STON2: variants seen among roughly 807,000 people sequenced by gnomAD.
STON2 encodes stonin-2.
In STON2, 29 loss-of-function variants were observed where a neutral mutation model predicts 65.7. The observed-to-expected ratio is 0.44, with a 90% CI of 0.33 to 0.60. STON2 has a LOEUF of 0.60. STON2 is among the 20% of genes least tolerant of loss of function. The pLI, the probability that STON2 is intolerant of heterozygous loss-of-function variation, is 0.03. For missense variants in STON2, 1,054 were observed against 1,118.1 expected, an observed-to-expected ratio of 0.94 and a Z score of 0.82; for synonymous variants, 404 against 414.2, an observed-to-expected ratio of 0.98 and a Z score of 0.30.
At chr14:81,327,318 T>C (rs1207746658) in intron 4 of STON2, among the ~76,000 whole-genome samples, 4 of 152,200 alleles carry the variant, frequency 2.6e-5, no homozygotes, top group Admixed American at 2.6e-4. Flanking sequence ...TCTTTTTCCA[T>C]CTTTATTTTT....
chr14:81,310,065 G>A (rs754313683), intron 5 of STON2, among the ~76,000 whole-genome samples: 2 of 152,120 alleles, frequency 1.3e-5, no homozygotes, highest in Non-Finnish European at 2.9e-5. Flanking sequence ...GAGGGGGCTG[G>A]ATTAGATGAT....
Position 81,371,082 on chromosome 14 carries a change from G to A in STON2, c.477C>T (p.Thr159=), listed in dbSNP as rs199692293. The change falls in exon 4 of 8, where the codon ACC becomes ACT. Residue 159 remains threonine (T), a synonymous_variant. Transcript: ENST00000614646. ...ESSWTTHSED[T]SSPSFGCSYT... is the part of the protein sequence containing the mutation. ...ACGAACATCCAAAGCTAGGACTGCT[G>A]GTGTCTTCAGAATGGGTGGTCCAGC... 1.9e-6 allele frequency: 3 copies of A among 1,614,028 alleles called. No homozygotes were observed. The highest frequency in any genetic ancestry group is 1.3e-5 in the African/African-American group (1 of 75,044).
chr14:81,330,607 T>C (rs1403792091), intron 4 of STON2, among the ~76,000 whole-genome samples: 2 of 152,236 alleles, frequency 1.3e-5, no homozygotes, highest in African/African-American at 4.8e-5. Context: ...CAGCTGAATC[T>C]TGCCAAAGCT....
chr14:81,294,060 GCTT>G (rs1162122239), intron 5 of STON2, among the ~76,000 whole-genome samples: 3 of 152,086 alleles, frequency 2.0e-5, no homozygotes, highest in African/African-American at 7.2e-5. Context: ...AGTAAAATTG[GCTT>G]CTGTTACTTG....
chr14:81,283,837 A>C (rs2140138081), intron 5 of STON2, among the ~76,000 whole-genome samples: 1 of 152,262 alleles, frequency 6.6e-6, no homozygotes, highest in Non-Finnish European at 1.5e-5. Context: ...CAGATACTGC[A>C]TTTTTTATGA....
intron 4 of STON2, among the ~76,000 whole-genome samples, chr14:81,347,115 C>T (rs1897838518): frequency 6.6e-6 from 1 of 151,370 alleles, no homozygotes; most frequent in East Asian, 1.9e-4. Flanking sequence ...AAAAAAACCC[C>T]GAAGAATCAA....
upstream of STON2, among the ~76,000 whole-genome samples, chr14:81,404,637 G>C (rs1417913974): frequency 6.6e-6 from 1 of 152,064 alleles, no homozygotes; most frequent in African/African-American, 2.4e-5. Context: ...CTGAGTAGCT[G>C]GGTCTATAAG....
chr14:81,263,853 C>G lies in STON2; in HGVS notation c.*4561G>C. ...AGGCTTTTAAGAAAAAACTTCAGCT[C>G]ATTCTGTTTTCCCACCACTAAACTT... On this transcript the variant is annotated 3_prime_UTR_variant, in exon 8 of 8. Transcript: ENST00000614646. 1 of 985,444 alleles carries G rather than the reference C, an allele frequency of 1.0e-6. No individual in the cohort carries two copies. Among genetic ancestry groups the G allele is most frequent in the African/African-American group, 1.7e-5 (1 of 57,370 alleles). 61.0% of individuals were successfully genotyped at this position (985,444 alleles called of 1,614,324 possible). A position where few individuals can be genotyped will look rare whatever the true frequency, so the allele number is the denominator to read the frequency against.
chr14:81,396,098 C>T lies in STON2; in HGVS notation c.169G>A (p.Asp57Asn), dbSNP rs1368652330. ...TGGGAATGGTCTTGAGAGCCTCCATCCACCACATGGTTCTCCCCGGAGGAG... is the reference window on the plus strand; with the variant it reads ...TGGGAATGGTCTTGAGAGCCTCCATTCACCACATGGTTCTCCCCGGAGGAG... ...ESSSGENHVV[D>N]GGSQDHSHSE... Residue 57 changes from aspartate to asparagine, a missense_variant, in exon 3 of 8, where the codon GAT becomes AAT. Transcript: ENST00000614646. 3 of 1,614,120 alleles carry T rather than the reference C, an allele frequency of 1.9e-6. No individual in the cohort carries two copies. The highest frequency in any genetic ancestry group is 4.5e-5 in the East Asian group (2 of 44,866).
rs1394257781 is a variant in STON2 at position 81,347,728 on chromosome 14, A to AC, written c.571+23259dup. Among the ~76,000 whole-genome samples the AC allele has an allele frequency of 1.2e-3, 157 of 127,798 alleles. 1 individual carries two copies. The highest frequency in any genetic ancestry group is 4.0e-3 in the African/African-American group (135 of 33,864). 83.8% of individuals were successfully genotyped at this position (127,798 alleles called of 152,430 possible). On this transcript the variant is annotated intron_variant, in intron 4 of 7. Coordinates refer to ENST00000614646, the MANE Select transcript of STON2 (RefSeq NM_001394390.1). ...AATCCAAAAACACTAAAAATGTGAG[A>AC]CCCCCTCCCCCTTCTCTATAAAATA...
At chr14:81,424,625 G>A (rs1217481630) in intron 2 of STON2, among the ~76,000 whole-genome samples, 1 of 152,068 alleles carries the variant, frequency 6.6e-6, no homozygotes, top group Non-Finnish European at 1.5e-5. Flanking sequence ...ATTGTTTAAG[G>A]GTAAGGCATT....
intron 6 of STON2, among the ~76,000 whole-genome samples, chr14:81,273,574 G>A (rs1296930493): frequency 1.3e-5 from 2 of 152,154 alleles, no homozygotes; most frequent in African/African-American, 2.4e-5. Context: ...AGGTAGGAGG[G>A]GTCCTTGGAG....
chr14:81,333,157 C>T (rs139155365), intron 4 of STON2: 2 of 1,320,862 alleles, frequency 1.5e-6, no homozygotes, highest in African/African-American at 1.4e-5. Flanking sequence ...AGTTGTCTTG[C>T]CACCACCAAA....
Position 81,378,005 on chromosome 14 carries a change from G to A in STON2, c.374-6820C>T, listed in dbSNP as rs191468330. ...TGGGATTACAAGCATGTACCACCAC[G>A]CCTGGCTAATTTTGTATTTTTAGTA... On this transcript the variant is annotated intron_variant, in intron 3 of 7. Coordinates refer to ENST00000614646, the MANE Select transcript of STON2 (RefSeq NM_001394390.1). Among the ~76,000 whole-genome samples the A allele has an allele frequency of 2.8e-4, 42 of 151,890 alleles. No individual in the cohort carries two copies. The East Asian group carries it at 5.2e-3, about 19-fold the overall frequency.
intron 2 of STON2, among the ~76,000 whole-genome samples, chr14:81,407,982 AAG>A (rs1417324099): frequency 6.6e-6 from 1 of 152,220 alleles, no homozygotes; most frequent in Non-Finnish European, 1.5e-5. Context: ...TGCTAGAACA[AAG>A]AGAAGACTGG....
At chr14:81,286,324 T>C (rs1433734978) in intron 5 of STON2, among the ~76,000 whole-genome samples, 3 of 152,166 alleles carry the variant, frequency 2.0e-5, no homozygotes, top group Non-Finnish European at 2.9e-5. Context: ...AAATCTTTCA[T>C]GAAAGGAAGG....
In STON2 at chr14:81,277,371, A is replaced by G; in HGVS notation, c.2111T>C (p.Phe704Ser). Reference protein sequence around the residue: ...TKWIKLHECRFHGCVDEDVFH... With the variant: ...TKWIKLHECRSHGCVDEDVFH... Reference sequence around the variant, plus strand: ...AACATCCTCATCCACACACCCATGGAAACGGCACTCATGGAGCTTGATCCA... The same window carrying G: ...AACATCCTCATCCACACACCCATGGGAACGGCACTCATGGAGCTTGATCCA... Residue 704 changes from phenylalanine to serine, a missense_variant, in exon 6 of 8, where the codon TTC becomes TCC. Coordinates refer to ENST00000614646, the MANE Select transcript of STON2 (RefSeq NM_001394390.1). 6.2e-7 allele frequency: 1 copy of G among 1,614,204 alleles called. No homozygotes were observed. Among genetic ancestry groups the G allele is most frequent in the Non-Finnish European group, 8.5e-7 (1 of 1,180,020 alleles).
intron 1 of STON2, among the ~76,000 whole-genome samples, chr14:81,428,722 C>T (rs1294371749): frequency 6.7e-6 from 1 of 149,372 alleles, no homozygotes; most frequent in African/African-American, 2.5e-5. Flanking sequence ...TACTCTGTCT[C>T]AAAAAAAAAC....
At chr14:81,288,131 C>T (rs572083233) in intron 5 of STON2, among the ~76,000 whole-genome samples, 4 of 152,284 alleles carry the variant, frequency 2.6e-5, no homozygotes, top group Admixed American at 2.6e-4. Flanking sequence ...GATAGTGAAA[C>T]CTGCAGAGAC....
Sources: gnomAD v4.1 joint callset for allele counts (sites outside exome capture counted in the v4.1 genomes callset) on GRCh38, gnomAD v4.1.1 for gene constraint, MANE v1.5 for transcripts, NCBI Gene and HGNC (gene_info 2026-07-23, HGNC 2026-07-21) for gene names.